The following APC variants were observed in gnomAD, a reference collection of about 807,000 sequenced individuals.
APC encodes adenomatous polyposis coli protein.
Under a neutral mutation model 247.0 loss-of-function variants are expected in APC, and 72 were observed. The ratio of observed to expected loss-of-function variants is 0.29; its 90% CI spans 0.24 to 0.35. APC has a LOEUF of 0.35. APC is among the 10% of genes least tolerant of loss of function. The pLI is 1.00. For missense variants in APC, 3,400 were observed against 3,360.7 expected (o/e 1.01, Z -0.29); for synonymous variants, 1,254 against 1,162.5 (o/e 1.08, Z -1.60).
intron 1 of APC, among the ~76,000 whole-genome samples, chr5:112,742,350 C>T (rs1258462025): frequency 6.6e-6 from 1 of 152,132 alleles, no homozygotes; most frequent in East Asian, 1.9e-4. Context: ...TACATATCTC[C>T]TTGGACTATG....
intron 5 of APC, chr5:112,777,771 A>G (rs1268822561): frequency 7.8e-6 from 2 of 255,270 alleles, no homozygotes; most frequent in Non-Finnish European, 1.7e-5. Context: ...CTTCCATTTC[A>G]TGAGAAACAG....
chr5:112,742,663 G>A (rs550950045), intron 1 of APC, among the ~76,000 whole-genome samples: 2 of 152,252 alleles, frequency 1.3e-5, no homozygotes, highest in South Asian at 2.1e-4. Flanking sequence ...TCATGACATA[G>A]CAGCTGGCTT....
chr5:112,710,625 G>A (rs777233535), intron 1 of APC, among the ~76,000 whole-genome samples: 5 of 152,142 alleles, frequency 3.3e-5, no homozygotes, highest in Non-Finnish European at 5.9e-5. Flanking sequence ...ACGTTCTAAA[G>A]CTTGAGTCTG....
intron 1 of APC, among the ~76,000 whole-genome samples, chr5:112,724,774 A>C (rs1217028796): frequency 6.6e-6 from 1 of 152,144 alleles, no homozygotes; most frequent in African/African-American, 2.4e-5. Flanking sequence ...TGGTGAGTGC[A>C]CAGAATTCCA....
At chr5:112,707,956 C>G in intron 1 of APC, 1 of 1,277,292 alleles carries the variant, frequency 7.8e-7, no homozygotes, top group South Asian at 1.4e-5. Flanking sequence ...CTGCTCGGGA[C>G]CCTACGGTGC....
chr5:112,791,224 C>A (rs1759546477), intron 6 of APC, among the ~76,000 whole-genome samples: 1 of 152,182 alleles, frequency 6.6e-6, no homozygotes, highest in Admixed American at 6.5e-5. Flanking sequence ...TCTGTAGTTA[C>A]TGCTTTGTGA....
chr5:112,778,845 A>G (rs1758011873), intron 5 of APC, among the ~76,000 whole-genome samples: 1 of 152,220 alleles, frequency 6.6e-6, no homozygotes, highest in African/African-American at 2.4e-5. Context: ...GCCCAGCCAC[A>G]TGTAATTTTT....
chr5:112,779,011 G>A (rs1037583066), intron 5 of APC, among the ~76,000 whole-genome samples: 2 of 152,148 alleles, frequency 1.3e-5, no homozygotes, highest in Non-Finnish European at 2.9e-5. Context: ...TTTCCTGAGT[G>A]GACGTTGGCT....
chr5:112,807,240 G>A (rs1289929913), intron 8 of APC, among the ~76,000 whole-genome samples: 2 of 152,060 alleles, frequency 1.3e-5, no homozygotes, highest in African/African-American at 2.4e-5. Flanking sequence ...GTATATCAGA[G>A]TGTTTCTATG....
chr5:112,797,625 A>G (rs1760354048), intron 7 of APC, among the ~76,000 whole-genome samples: 1 of 152,220 alleles, frequency 6.6e-6, no homozygotes, highest in Non-Finnish European at 1.5e-5. Flanking sequence ...TTATTTATTA[A>G]CAAGCAAGTA....
chr5:112,714,387 G>A (rs1751036554), intron 1 of APC, among the ~76,000 whole-genome samples: 1 of 152,232 alleles, frequency 6.6e-6, no homozygotes, highest in African/African-American at 2.4e-5. Context: ...AGAATTCAGA[G>A]ATTGATCTAT....
At chr5:112,797,915 A>C (rs1760383186) in intron 7 of APC, among the ~76,000 whole-genome samples, 1 of 152,222 alleles carries the variant, frequency 6.6e-6, no homozygotes, top group African/African-American at 2.4e-5. Context: ...GGCTTTAATC[A>C]TAAAGGCAAT....
Position 112,819,332 on chromosome 5 carries a change from G to T in APC, c.1300G>T (p.Asp434Tyr), listed in dbSNP as rs769365014. 1.2e-6 allele frequency: 2 copies of T among 1,613,988 alleles called. No individual in the cohort carries two copies. The highest frequency in any genetic ancestry group is 1.7e-5 in the Admixed American group (1 of 59,992). ...QEAHEPGMDQ[D>Y]KNPMPAPVEH... is the part of the protein sequence containing the mutation. ...AGCTCATGAACCAGGCATGGACCAG[G>T]ACAAAAATCCAAGTATGTTCTCTAT... is the stretch of plus-strand genomic sequence containing the variant. Residue 434 changes from aspartate to tyrosine, a missense_variant, in exon 10 of 16, where the codon GAC (aspartate) becomes TAC (tyrosine). Asp to Tyr is a radical substitution (Grantham distance 160). Coordinates refer to ENST00000257430, the MANE Select transcript of APC (RefSeq NM_000038.6).
intron 8 of APC, among the ~76,000 whole-genome samples, chr5:112,804,320 A>T (rs932723484): frequency 2.0e-5 from 3 of 152,238 alleles, no homozygotes; most frequent in African/African-American, 7.2e-5. Flanking sequence ...TATGCCAGCC[A>T]ACTAATATGT....
upstream of APC, among the ~76,000 whole-genome samples, chr5:112,737,581 C>T (rs907399631): frequency 2.0e-5 from 3 of 152,256 alleles, no homozygotes; most frequent in Non-Finnish European, 4.4e-5. Context: ...TTCTGCCCTG[C>T]GGACCTCCCC....
chr5:112,818,847 C>CA lies in APC; in HGVS notation c.934-119_934-118insA, dbSNP rs1762785844. ...TTCCGGTTTTTTGTTTTTTTTTTGG[C>CA]GGGGGGGGTTGTTTTGTTTTTTTAG... is the stretch of plus-strand genomic sequence containing the variant. On this transcript the variant is annotated intron_variant, in intron 9 of 15. Transcript: ENST00000257430. 30 of 685,390 alleles carry CA rather than the reference C, an allele frequency of 4.4e-5. 1 individual carries two copies. The highest frequency in any genetic ancestry group is 3.4e-4 in the Admixed American group (10 of 29,352). The allele number at this position is 685,390 out of a possible 1,614,324, so 42.5% of individuals were successfully genotyped here.
In APC at chr5:112,718,182, G is replaced by C. The variant is rs540094473; in HGVS notation, c.165+10300G>C. Reference sequence around the variant, plus strand: ...TATCCCCTTGAATGTAGTAAGCATAGTTATTTTTCAGTTTGTGTCTGATAA... The same window carrying C: ...TATCCCCTTGAATGTAGTAAGCATACTTATTTTTCAGTTTGTGTCTGATAA... On this transcript the variant is annotated intron_variant, in intron 1 of 13. Coordinates refer to the APC transcript ENST00000507379. Among the ~76,000 whole-genome samples, 14 of 151,858 alleles carry C rather than the reference G, an allele frequency of 9.2e-5. No individual in the cohort carries two copies. In the South Asian group the frequency reaches 2.9e-3, roughly 32 times the overall value.
chr5:112,742,304 C>T (rs146110264), intron 1 of APC, among the ~76,000 whole-genome samples: 1 of 152,272 alleles, frequency 6.6e-6, no homozygotes, highest in African/African-American at 2.4e-5. Context: ...CTCCAAATCC[C>T]GTTAACCACA....
chr5:112,711,025 G>A (rs1215042720), intron 1 of APC, among the ~76,000 whole-genome samples: 4 of 152,144 alleles, frequency 2.6e-5, no homozygotes, highest in African/African-American at 9.7e-5. Context: ...ATCCAATGAC[G>A]TTTCCTCTGT....
Sources: gnomAD v4.1 joint callset for allele counts (sites outside exome capture counted in the v4.1 genomes callset) on GRCh38, gnomAD v4.1.1 for gene constraint, MANE v1.5 for transcripts, NCBI Gene and HGNC (gene_info 2026-07-23, HGNC 2026-07-21) for gene names.